CYP46A1: variants seen among roughly 807,000 people sequenced by gnomAD.
The protein encoded by CYP46A1 is cholesterol 24-hydroxylase.
In CYP46A1, 20 loss-of-function variants were observed where a neutral mutation model predicts 63.3. The observed-to-expected ratio is 0.32, with a 90% CI of 0.22 to 0.46. The LOEUF (loss-of-function observed/expected upper bound fraction) is 0.46, where lower values mean the gene tolerates loss of function less well. Ranked by LOEUF, CYP46A1 falls within the 20% of genes least tolerant of loss-of-function variation. The pLI is 1.00. For synonymous variants in CYP46A1, 268 were observed against 273.6 expected (o/e 0.98, Z 0.20); for missense variants, 445 against 670.8 (o/e 0.66, Z 3.72).
At chr14:99,699,908 C>A in intron 4 of CYP46A1, 107 bp from the exon 5 acceptor site, 1 of 797,106 alleles carries the variant, frequency 1.3e-6, no homozygotes, top group Non-Finnish European at 2.0e-6. Flanking sequence ...TCGCCACCGC[C>A]TAGCTCCAAT....
intron 10 of CYP46A1, 111 bp from the exon 11 acceptor site, chr14:99,721,128 G>A: frequency 1.3e-6 from 1 of 744,158 alleles, no homozygotes. Flanking sequence ...TGTGAGTGGG[G>A]AGCCCCATGC....
intron 2 of CYP46A1, chr14:99,691,422 G>T (rs2056542320): frequency 5.1e-6 from 3 of 585,376 alleles, no homozygotes; most frequent in South Asian, 4.3e-5. Context: ...GGGTGGGGGG[G>T]TGTGACCAGG....
intron 7 of CYP46A1, chr14:99,712,851 A>G (rs2056747054): frequency 7.4e-6 from 1 of 135,778 alleles, no homozygotes; most frequent in Non-Finnish European, 1.7e-5. Context: ...AACTCTGAGC[A>G]AAAAGAACAA....
intron 1 of CYP46A1, among the ~76,000 whole-genome samples, chr14:99,688,374 C>T (rs984596973): frequency 2.0e-5 from 3 of 152,134 alleles, no homozygotes; most frequent in Non-Finnish European, 2.9e-5. Context: ...CATCACCTCC[C>T]CCTCCATCCG....
rs1391590789 is a variant in CYP46A1, at chr14:99,726,858, C to G, written c.*131C>G. On this transcript the variant is annotated 3_prime_UTR_variant, in exon 15 of 15. Transcript: ENST00000261835. ...CCTTCACGCTGGCTTCCAGCGGGCC[C>G]TCTGCCGACCGCCTGCTTCACACCC... 4 of 720,660 alleles carry G rather than the reference C, an allele frequency of 5.6e-6. No homozygotes were observed. In the Admixed American group the frequency reaches 1.3e-4, roughly 24 times the overall value. The allele number at this position is 720,660 out of a possible 1,614,324, so 44.6% of individuals were successfully genotyped here.
At chr14:99,698,202 A>T (rs1016114189) in intron 3 of CYP46A1, among the ~76,000 whole-genome samples, 1 of 152,020 alleles carries the variant, frequency 6.6e-6, no homozygotes, top group Non-Finnish European at 1.5e-5. Context: ...CCCACAGGAT[A>T]AAGCAGTAGC....
Position 99,707,669 on chromosome 14 carries a change from T to C in CYP46A1, c.684T>C (p.Thr228=). Residue 228 remains threonine (T), a synonymous_variant, in exon 7 of 15, where the codon ACT becomes ACC. Coordinates refer to ENST00000261835, the MANE Select transcript of CYP46A1 (RefSeq NM_006668.2). ...MLEGITASRN[T]LAKFLPGKRK... Reference sequence around the variant, plus strand: ...AGGGAATCACTGCGTCCCGCAACACTCTGGCAAAGGTACTGCCTCAGCACC... The same window carrying C: ...AGGGAATCACTGCGTCCCGCAACACCCTGGCAAAGGTACTGCCTCAGCACC... 1 of 1,613,916 alleles carries C rather than the reference T, an allele frequency of 6.2e-7. No homozygotes were observed. The highest frequency in any genetic ancestry group is 8.5e-7 in the Non-Finnish European group (1 of 1,179,942).
In CYP46A1 at chr14:99,691,761, G is replaced by A. The variant is rs368649611; in HGVS notation, c.201-19G>A. 6.2e-6 allele frequency: 10 copies of A among 1,613,590 alleles called. No homozygotes were observed. Among genetic ancestry groups the A allele is most frequent in the Non-Finnish European group, 8.5e-6 (10 of 1,179,652 alleles). The stretch of plus-strand genomic sequence containing the variant: ...CCTCAGGTGGTTGACAGTTTCCTTC[G>A]GGTCACTTTGGTTTCCAGGGCTAAG... On this transcript the variant is annotated intron_variant, in intron 2 of 14. Transcript: ENST00000261835.
At chr14:99,688,092 G>A (rs949195761) in intron 1 of CYP46A1, among the ~76,000 whole-genome samples, 5 of 152,008 alleles carry the variant, frequency 3.3e-5, no homozygotes, top group Non-Finnish European at 5.9e-5. Context: ...GAACCCCAGG[G>A]GTTAGGGTGG....
rs2056892236 is a variant in CYP46A1 at position 99,725,950 on chromosome 14, G to A, written c.1266-240G>A. On this transcript the variant is annotated intron_variant, in intron 13 of 14. Coordinates refer to ENST00000261835, the MANE Select transcript of CYP46A1 (RefSeq NM_006668.2). The surrounding 1 kb of genome is among the most constrained non-coding windows in gnomAD (Gnocchi z 4.2). ...AGTTGTTTTGCCCCTCTGAGCCTCA[G>A]TTTCTCCATCTGTGAAATGGGGACA... 6.6e-6 allele frequency among the ~76,000 whole-genome samples: 1 copy of A among 152,314 alleles called. No homozygotes were observed. The highest frequency in any genetic ancestry group is 1.9e-4 in the East Asian group (1 of 5,186).
At chr14:99,689,738 G>A (rs935224608) in intron 1 of CYP46A1, among the ~76,000 whole-genome samples, 3 of 152,084 alleles carry the variant, frequency 2.0e-5, no homozygotes, top group Non-Finnish European at 2.9e-5. Flanking sequence ...CATTGCCTCC[G>A]CTGCCCTGCT....
At chr14:99,707,325 A>C (rs1462941735) in intron 6 of CYP46A1, among the ~76,000 whole-genome samples, 1 of 152,222 alleles carries the variant, frequency 6.6e-6, no homozygotes, top group African/African-American at 2.4e-5. Context: ...GTTGCATTTC[A>C]GGGGAAATGC....
intron 10 of CYP46A1, 133 bp from the exon 11 acceptor site, chr14:99,721,106 A>G (rs1332402948): frequency 2.9e-6 from 2 of 681,852 alleles, no homozygotes; most frequent in Admixed American, 2.2e-5. Context: ...TAAAGCTACA[A>G]GTAACAGTGT....
intron 7 of CYP46A1, among the ~76,000 whole-genome samples, chr14:99,715,334 C>A (rs1239066342): frequency 6.6e-6 from 1 of 152,282 alleles, no homozygotes; most frequent in Non-Finnish European, 1.5e-5. Context: ...ATATCACCTC[C>A]TTATTCCAGT....
At chr14:99,704,281 G>A (rs1185118380) in intron 5 of CYP46A1, among the ~76,000 whole-genome samples, 1 of 152,132 alleles carries the variant, frequency 6.6e-6, no homozygotes. Context: ...ACAATAAGAT[G>A]TTGTCTTAGA....
intron 7 of CYP46A1, among the ~76,000 whole-genome samples, chr14:99,715,227 T>C (rs900090715): frequency 6.6e-6 from 1 of 152,236 alleles, no homozygotes; most frequent in African/African-American, 2.4e-5. Flanking sequence ...ATTGTATTCA[T>C]GTATCAAAAT....
At chr14:99,713,828 T>C (rs990448920) in intron 7 of CYP46A1, among the ~76,000 whole-genome samples, 1 of 129,378 alleles carries the variant, frequency 7.7e-6, no homozygotes, top group African/African-American at 3.0e-5. Flanking sequence ...ATCATGCCAC[T>C]GCACTCCAGC....
intron 3 of CYP46A1, among the ~76,000 whole-genome samples, chr14:99,698,313 A>T (rs992817073): frequency 1.3e-5 from 2 of 151,998 alleles, no homozygotes; most frequent in African/African-American, 4.8e-5. Flanking sequence ...GGTCTGGATC[A>T]TAGCCGTCTC....
In CYP46A1 at chr14:99,716,153, G is replaced by A. The variant is rs532807703; in HGVS notation, c.861G>A (p.Gln287=). ...TQILKAEEGA[Q]DDEGLLDNFV... ...GTTTTTCAGCTGAAGAGGGAGCCCAGGACGACGAGGGTCTGCTGGACAACT... is the reference window on the plus strand; with the variant it reads ...GTTTTTCAGCTGAAGAGGGAGCCCAAGACGACGAGGGTCTGCTGGACAACT... Residue 287 remains glutamine (Q), a synonymous_variant, in exon 9 of 15, where the codon CAG becomes CAA. Transcript: ENST00000261835. The A allele has an allele frequency of 1.1e-5, 18 of 1,614,252 alleles. No individual in the cohort carries two copies. In the South Asian group the frequency reaches 1.9e-4, roughly 17 times the overall value.
Sources: allele counts gnomAD v4.1 joint callset (sites outside exome capture counted in the v4.1 genomes callset), GRCh38; gene constraint gnomAD v4.1.1; non-coding constraint Gnocchi (gnomAD v3.1); transcripts MANE v1.5; gene names NCBI Gene and HGNC (gene_info 2026-07-23, HGNC 2026-07-21).